Variants in YWHAE observed in about 807,000 individuals in gnomAD.
YWHAE encodes tyrosine 3-monooxygenase/tryptophan 5-monooxygenase activation protein epsilon.
A neutral mutation model predicts 30.1 loss-of-function variants in YWHAE; 4 were observed. The observed-to-expected ratio is 0.13, with a 90% CI of 0.07 to 0.30. The LOEUF is 0.30. YWHAE is among the 10% of genes least tolerant of loss of function. YWHAE has a pLI of 1.00. For synonymous variants in YWHAE, 118 were observed against 111.8 expected, an observed-to-expected ratio of 1.06 and a Z score of -0.35; for missense variants, 121 against 315.9, an observed-to-expected ratio of 0.38 and a Z score of 4.68.
At chr17:1,381,696 G>A (rs918598646) in intron 1 of YWHAE, among the ~76,000 whole-genome samples, 1 of 151,788 alleles carries the variant, frequency 6.6e-6, no homozygotes, top group Non-Finnish European at 1.5e-5. Context: ...CGGGTGGATC[G>A]CTTCAACTCA....
At chr17:1,369,416 C>T (rs1479368977) in intron 1 of YWHAE, among the ~76,000 whole-genome samples, 1 of 152,186 alleles carries the variant, frequency 6.6e-6, no homozygotes, top group Non-Finnish European at 1.5e-5. Flanking sequence ...TTTGCTTGAA[C>T]CCGGGAGGCG....
chr17:1,371,117 C>T (rs530174085), intron 1 of YWHAE, among the ~76,000 whole-genome samples: 1 of 152,252 alleles, frequency 6.6e-6, no homozygotes, highest in East Asian at 1.9e-4. Context: ...CAGAGTCACA[C>T]TCTGTCACCC....
At chr17:1,359,372 G>A (rs1040572193) in intron 4 of YWHAE, among the ~76,000 whole-genome samples, 7 of 151,048 alleles carry the variant, frequency 4.6e-5, no homozygotes, top group African/African-American at 1.7e-4. Context: ...TTAAATACAA[G>A]GACTCAAGCA....
intron 1 of YWHAE, among the ~76,000 whole-genome samples, chr17:1,387,229 T>C (rs1397626534): frequency 6.6e-6 from 1 of 151,896 alleles, no homozygotes; most frequent in African/African-American, 2.4e-5. Flanking sequence ...GGGGGAGTAA[T>C]CCCCTGCTCC....
chr17:1,371,414 T>C (rs773935312), intron 1 of YWHAE, among the ~76,000 whole-genome samples: 28 of 152,004 alleles, frequency 1.8e-4, no homozygotes, highest in South Asian at 6.2e-4. Flanking sequence ...CAGTAATACA[T>C]TGAAGGGAAT....
intron 1 of YWHAE, among the ~76,000 whole-genome samples, chr17:1,365,534 T>C (rs1010368100): frequency 6.6e-6 from 1 of 152,228 alleles, no homozygotes; most frequent in Non-Finnish European, 1.5e-5. Flanking sequence ...CAACAGACTT[T>C]GGATGTTTTC....
At chr17:1,365,731 C>T (rs149650240) in intron 1 of YWHAE, among the ~76,000 whole-genome samples, 1 of 152,292 alleles carries the variant, frequency 6.6e-6, no homozygotes, top group East Asian at 1.9e-4. Flanking sequence ...TGAATAAATA[C>T]ATTAATAAAA....
intron 1 of YWHAE, chr17:1,398,837 G>A (rs976732902): frequency 2.6e-5 from 4 of 152,054 alleles, no homozygotes; most frequent in African/African-American, 9.7e-5. Flanking sequence ...GAACCCATTA[G>A]GGGCAAAAGA....
intron 1 of YWHAE, among the ~76,000 whole-genome samples, chr17:1,395,446 T>G (rs952208226): frequency 6.6e-6 from 1 of 152,140 alleles, no homozygotes; most frequent in Non-Finnish European, 1.5e-5. Context: ...GGAGAACCGC[T>G]TGAACCTGGG....
intron 1 of YWHAE, among the ~76,000 whole-genome samples, chr17:1,390,270 AAATT>A (rs2073370132): frequency 6.6e-6 from 1 of 152,216 alleles, no homozygotes; most frequent in Non-Finnish European, 1.5e-5. Context: ...CAACATGACA[AAATT>A]ATTATTTGGG....
At chr17:1,351,698 C>G (rs953772070) in intron 5 of YWHAE, among the ~76,000 whole-genome samples, 2 of 152,106 alleles carry the variant, frequency 1.3e-5, no homozygotes, top group African/African-American at 4.8e-5. Context: ...GTGGCGCAAT[C>G]GAAGCTCACT....
chr17:1,389,717 A>G (rs2073360700), intron 1 of YWHAE, among the ~76,000 whole-genome samples: 1 of 151,098 alleles, frequency 6.6e-6, no homozygotes, highest in South Asian at 2.1e-4. Flanking sequence ...TTTTTAGTAG[A>G]GACAGGGTTT....
intron 1 of YWHAE, among the ~76,000 whole-genome samples, chr17:1,394,710 T>C (rs1315295093): frequency 6.6e-6 from 1 of 152,116 alleles, no homozygotes; most frequent in Non-Finnish European, 1.5e-5. Context: ...CTCATACCTG[T>C]AATGCTAGCC....
chr17:1,371,423 ATTTT>A (rs919846416), intron 1 of YWHAE, among the ~76,000 whole-genome samples: 2 of 148,256 alleles, frequency 1.3e-5, no homozygotes, highest in Admixed American at 6.8e-5. Context: ...ATTGAAGGGA[ATTTT>A]TTTTTTTTCT....
intron 1 of YWHAE, among the ~76,000 whole-genome samples, chr17:1,379,745 G>T (rs1567976669): frequency 6.6e-6 from 1 of 152,042 alleles, no homozygotes; most frequent in East Asian, 1.9e-4. Context: ...GAAGGAAGGA[G>T]TACTTGAGGT....
chr17:1,392,693 T>C (rs954429271), intron 1 of YWHAE, among the ~76,000 whole-genome samples: 1 of 151,126 alleles, frequency 6.6e-6, no homozygotes, highest in Non-Finnish European at 1.5e-5. Flanking sequence ...CTACTAAAAA[T>C]ACAAAAATTA....
intron 5 of YWHAE, among the ~76,000 whole-genome samples, chr17:1,347,305 C>T (rs1309157313): frequency 1.3e-5 from 2 of 151,428 alleles, no homozygotes; most frequent in Non-Finnish European, 2.9e-5. Flanking sequence ...TGCACTCCAG[C>T]CTGGGCGACA....
At chr17:1,366,604 C>A (rs2072946523) in intron 1 of YWHAE, among the ~76,000 whole-genome samples, 1 of 152,138 alleles carries the variant, frequency 6.6e-6, no homozygotes, top group Admixed American at 6.6e-5. Flanking sequence ...TAAGCATAAG[C>A]ATACCTTAAC....
chr17:1,373,560 C>A (rs992230375), intron 1 of YWHAE, among the ~76,000 whole-genome samples: 2 of 151,508 alleles, frequency 1.3e-5, no homozygotes, highest in East Asian at 1.9e-4. Flanking sequence ...CCCAGCTACT[C>A]GGGAGGCTGA....
Sources: allele counts gnomAD v4.1 joint callset (sites outside exome capture counted in the v4.1 genomes callset), GRCh38; gene constraint gnomAD v4.1.1; transcripts MANE v1.5; gene names NCBI Gene and HGNC (gene_info 2026-07-23, HGNC 2026-07-21).